Variants in TENM2 observed in about 807,000 individuals in gnomAD.
TENM2 encodes teneurin-2.
TENM2 carries 52 observed loss-of-function variants against 245.2 expected under a neutral mutation model. The observed-to-expected ratio is 0.21, with a 90% CI of 0.17 to 0.27. The LOEUF is 0.27. Among genes scored for constraint, TENM2 ranks in the 10% least tolerant of loss-of-function variants. The pLI is 1.00. For synonymous variants in TENM2, 1,363 were observed against 1,438.9 expected, an observed-to-expected ratio of 0.95 and a Z score of 1.19; for missense variants, 3,046 against 3,666.8, an observed-to-expected ratio of 0.83 and a Z score of 4.37.
the TENM2 span, among the ~76,000 whole-genome samples, chr5:167,046,063 A>G: frequency 1.3e-5 from 2 of 152,170 alleles, no homozygotes; most frequent in African/African-American, 4.8e-5. Context: ...TCCTGAAAAC[A>G]TACTGATATA....
intron 3 of TENM2, among the ~76,000 whole-genome samples, chr5:167,942,622 T>C (rs1021987059): frequency 6.6e-6 from 1 of 152,174 alleles, no homozygotes; most frequent in Non-Finnish European, 1.5e-5. Context: ...TGGTCCCAGT[T>C]TTTTTCTAAA....
intron 2 of TENM2, among the ~76,000 whole-genome samples, chr5:167,398,670 C>A (rs1762208070): frequency 6.6e-6 from 1 of 152,004 alleles, no homozygotes; most frequent in Non-Finnish European, 1.5e-5. Flanking sequence ...GAACTCCTGA[C>A]CTCAAGTTAT....
chr5:168,258,885 T>A (rs528799630), intron 27 of TENM2, among the ~76,000 whole-genome samples: 1 of 151,960 alleles, frequency 6.6e-6, no homozygotes, highest in Non-Finnish European at 1.5e-5. Flanking sequence ...TTTTTTTTTT[T>A]AAAGGGAAAT....
At chr5:168,243,101 C>T (rs1470242366) in intron 25 of TENM2, among the ~76,000 whole-genome samples, 4 of 152,168 alleles carry the variant, frequency 2.6e-5, no homozygotes, top group Non-Finnish European at 4.4e-5. Flanking sequence ...TTACATCATC[C>T]CTTGCCTTCA....
chr5:167,561,986 G>C (rs1441542011), intron 2 of TENM2, among the ~76,000 whole-genome samples: 1 of 152,160 alleles, frequency 6.6e-6, no homozygotes, highest in African/African-American at 2.4e-5. Flanking sequence ...TGGTGCTTTG[G>C]TTTTGGAAAA....
chr5:167,736,166 G>A (rs1349706833), intron 2 of TENM2, among the ~76,000 whole-genome samples: 2 of 152,134 alleles, frequency 1.3e-5, no homozygotes, highest in Non-Finnish European at 2.9e-5. Context: ...GCAGCGAGGA[G>A]AAGTACAGAG....
In TENM2 at chr5:167,919,457, G is replaced by A. The variant is rs188478162; in HGVS notation, c.713-33131G>A. Among the ~76,000 whole-genome samples, 5 of 152,338 alleles carry A rather than the reference G, an allele frequency of 3.3e-5. No homozygotes were observed. The East Asian group carries it at 9.6e-4, about 29-fold the overall frequency. ...AATAAATAAATCTGATTTACATAGA[G>A]GACTATTGTGGTATTGGGTAGGAAG... On this transcript the variant is annotated intron_variant, in intron 3 of 28. Transcript: ENST00000518659.
chr5:167,298,960 T>C (rs1755140459), intron 1 of TENM2, among the ~76,000 whole-genome samples: 1 of 152,172 alleles, frequency 6.6e-6, no homozygotes, highest in Non-Finnish European at 1.5e-5. Context: ...GTTGGTCTGG[T>C]GTCTGGACTG....
chr5:167,201,782 T>A, the TENM2 span, among the ~76,000 whole-genome samples: 4 of 152,302 alleles, frequency 2.6e-5, no homozygotes, highest in South Asian at 8.3e-4. Context: ...TAACTTTTAC[T>A]ATGAATAATA....
chr5:168,110,199 AC>A (rs1288870749), intron 9 of TENM2, among the ~76,000 whole-genome samples: 1 of 151,950 alleles, frequency 6.6e-6, no homozygotes, highest in East Asian at 1.9e-4. Context: ...TGGGAAATAA[AC>A]CAGTCTTTAG....
chr5:167,130,711 T>C, the TENM2 span, among the ~76,000 whole-genome samples: 1 of 151,950 alleles, frequency 6.6e-6, no homozygotes, highest in East Asian at 1.9e-4. Context: ...TTCAGAAAAT[T>C]CCCTCCAATG....
intron 2 of TENM2, among the ~76,000 whole-genome samples, chr5:167,738,317 G>A (rs1360829213): frequency 6.6e-6 from 1 of 152,182 alleles, no homozygotes; most frequent in Non-Finnish European, 1.5e-5. Context: ...GAGCTTACAT[G>A]GTGTTAGATC....
At chr5:167,643,692 T>C (rs936064396) in intron 2 of TENM2, among the ~76,000 whole-genome samples, 2 of 152,142 alleles carry the variant, frequency 1.3e-5, no homozygotes, top group African/African-American at 4.8e-5. Flanking sequence ...AACAAGTCAA[T>C]GTTGGCTTCC....
At chr5:168,228,202 G>A (rs867120512) in intron 25 of TENM2, 72 bp downstream of exon 27, 3 of 1,274,646 alleles carry the variant, frequency 2.4e-6, no homozygotes, top group East Asian at 2.4e-5. Context: ...AGCTGAGAAA[G>A]TTTCTCTGTT....
At chr5:167,154,105 G>C in the TENM2 span, among the ~76,000 whole-genome samples, 1 of 152,134 alleles carries the variant, frequency 6.6e-6, no homozygotes, top group Non-Finnish European at 1.5e-5. Flanking sequence ...ATATTGTCCA[G>C]ACCAGAAACA....
At chr5:168,262,698 G>T in exon 29 of TENM2, 1 of 1,610,644 alleles carries the variant, frequency 6.2e-7, no homozygotes, top group Non-Finnish European at 8.5e-7. Flanking sequence ...AGCACCGGGC[G>T]CGTGCAAGGG....
intron 25 of TENM2, chr5:168,229,628 G>GAGAGT (rs1404158452): frequency 6.6e-6 from 1 of 152,212 alleles, no homozygotes; most frequent in Non-Finnish European, 1.5e-5. Flanking sequence ...TGGAATCCCT[G>GAGAGT]AGAGTAGAAG....
chr5:167,237,058 T>C, the TENM2 span, among the ~76,000 whole-genome samples: 1 of 152,148 alleles, frequency 6.6e-6, no homozygotes, highest in Non-Finnish European at 1.5e-5. Context: ...TCTCTTGCAA[T>C]TCCTGGGGAT....
intron 2 of TENM2, among the ~76,000 whole-genome samples, chr5:167,794,019 T>C (rs1335299280): frequency 1.3e-5 from 2 of 151,734 alleles, no homozygotes; most frequent in Non-Finnish European, 1.5e-5. Flanking sequence ...GAAGTAAGAA[T>C]AGAAAAATGA....
Sources: allele counts gnomAD v4.1 joint callset (sites outside exome capture counted in the v4.1 genomes callset), GRCh38; gene constraint gnomAD v4.1.1; transcripts MANE v1.5; gene names NCBI Gene and HGNC (gene_info 2026-07-23, HGNC 2026-07-21).